The following LRMDA variants were observed in gnomAD, a reference collection of about 807,000 sequenced individuals.
LRMDA encodes the protein leucine-rich melanocyte differentiation-associated protein.
LRMDA carries 18 observed loss-of-function variants against 29.8 expected under a neutral mutation model. The ratio of observed to expected loss-of-function variants is 0.60; its 90% CI spans 0.42 to 0.90. LRMDA has a LOEUF of 0.90. LRMDA is among the 40% of genes least tolerant of loss of function. The probability of loss-of-function intolerance (pLI) is 0.00; values close to 1 mark genes in which losing one functional copy is unlikely to be tolerated. For missense variants in LRMDA, 273 were observed against 273.9 expected, an observed-to-expected ratio of 1.00 and a Z score of 0.02; for synonymous variants, 125 against 109.4, an observed-to-expected ratio of 1.14 and a Z score of -0.89.
At chr10:75,557,042 GGT>G (rs1419594096) in intron 2 of LRMDA, among the ~76,000 whole-genome samples, 1 of 152,068 alleles carries the variant, frequency 6.6e-6, no homozygotes, top group Non-Finnish European at 1.5e-5. Flanking sequence ...GGCCAGGCAT[GGT>G]GGCTCACACC....
intron 6 of LRMDA, among the ~76,000 whole-genome samples, chr10:76,408,061 A>G (rs1209956763): frequency 6.6e-6 from 1 of 152,210 alleles, no homozygotes; most frequent in Non-Finnish European, 1.5e-5. Flanking sequence ...ATCTCAACTA[A>G]CACTTACTGC....
At chr10:76,461,331 C>T (rs1842509810) in intron 6 of LRMDA, among the ~76,000 whole-genome samples, 1 of 152,170 alleles carries the variant, frequency 6.6e-6, no homozygotes, top group Non-Finnish European at 1.5e-5. Context: ...AGACAAGCCT[C>T]TGTTGAACTT....
chr10:75,758,996 G>A (rs2132226082), intron 2 of LRMDA, among the ~76,000 whole-genome samples: 1 of 151,682 alleles, frequency 6.6e-6, no homozygotes, highest in African/African-American at 2.4e-5. Context: ...ATTTAAATGG[G>A]TACATTTACA....
At chr10:75,435,146 C>T (rs552518329) in intron 1 of LRMDA, among the ~76,000 whole-genome samples, 1 of 152,208 alleles carries the variant, frequency 6.6e-6, no homozygotes, top group African/African-American at 2.4e-5. Flanking sequence ...CTTTGTTCCT[C>T]AATGCAGTCT....
chr10:75,875,690 C>T (rs1033097266), intron 2 of LRMDA, among the ~76,000 whole-genome samples: 1 of 152,216 alleles, frequency 6.6e-6, no homozygotes, highest in Non-Finnish European at 1.5e-5. Flanking sequence ...CCTCAGCCTT[C>T]CAAAGTGCTG....
At chr10:76,162,914 C>T (rs1451142245) in intron 5 of LRMDA, among the ~76,000 whole-genome samples, 1 of 152,116 alleles carries the variant, frequency 6.6e-6, no homozygotes, top group Non-Finnish European at 1.5e-5. Flanking sequence ...GGGAAAGATA[C>T]ATATTCTAAA....
chr10:75,567,219 A>G (rs1037179868), intron 2 of LRMDA, among the ~76,000 whole-genome samples: 5 of 152,008 alleles, frequency 3.3e-5, no homozygotes, highest in Non-Finnish European at 7.4e-5. Flanking sequence ...TTGCCTTCAG[A>G]GTTAAGTCTG....
At chr10:75,775,131 G>T (rs1449329018) in intron 2 of LRMDA, among the ~76,000 whole-genome samples, 1 of 152,240 alleles carries the variant, frequency 6.6e-6, no homozygotes, top group Non-Finnish European at 1.5e-5. Flanking sequence ...GGCCTATCAA[G>T]AAGGTTAGGC....
intron 2 of LRMDA, among the ~76,000 whole-genome samples, chr10:76,006,900 T>G (rs1847672596): frequency 6.6e-6 from 1 of 151,986 alleles, no homozygotes; most frequent in Non-Finnish European, 1.5e-5. Flanking sequence ...TTAAGGGCAT[T>G]CAGATGCCTG....
intron 2 of LRMDA, among the ~76,000 whole-genome samples, chr10:75,651,421 T>A (rs556832113): frequency 6.6e-6 from 1 of 152,310 alleles, no homozygotes; most frequent in South Asian, 2.1e-4. Flanking sequence ...ACTTAGGGAT[T>A]TCTGTGCATT....
At chr10:76,286,952 G>A (rs891432921) in intron 5 of LRMDA, among the ~76,000 whole-genome samples, 3 of 152,132 alleles carry the variant, frequency 2.0e-5, no homozygotes, top group Middle Eastern at 3.4e-3. Flanking sequence ...CAAATGTCTA[G>A]CACTCTCTTT....
intron 2 of LRMDA, among the ~76,000 whole-genome samples, chr10:75,938,447 G>A (rs1228949367): frequency 6.6e-6 from 1 of 152,146 alleles, no homozygotes; most frequent in Non-Finnish European, 1.5e-5. Context: ...ATGGGAGAAG[G>A]GATTTGTGCC....
chr10:75,673,587 T>C (rs1282505466), intron 2 of LRMDA, among the ~76,000 whole-genome samples: 2 of 152,184 alleles, frequency 1.3e-5, no homozygotes, highest in Non-Finnish European at 2.9e-5. Flanking sequence ...TATAAACCTA[T>C]GTATTCTCTG....
intron 6 of LRMDA, among the ~76,000 whole-genome samples, chr10:76,406,200 C>T (rs1417877283): frequency 7.9e-5 from 12 of 152,188 alleles, no homozygotes; most frequent in Admixed American, 7.9e-4. Context: ...CACAAGTCCA[C>T]ACATCCTGTA....
intron 5 of LRMDA, among the ~76,000 whole-genome samples, chr10:76,285,756 C>G (rs890561498): frequency 6.6e-6 from 1 of 152,124 alleles, no homozygotes; most frequent in African/African-American, 2.4e-5. Context: ...GTTTGAAAAT[C>G]CTGGGAAAGC....
At chr10:76,461,642 A>G (rs987526912) in intron 6 of LRMDA, among the ~76,000 whole-genome samples, 3 of 152,156 alleles carry the variant, frequency 2.0e-5, no homozygotes, top group African/African-American at 4.8e-5. Flanking sequence ...GGAGGGGGAG[A>G]TGGTGAACTG....
intron 2 of LRMDA, among the ~76,000 whole-genome samples, chr10:75,992,668 G>A (rs928578742): frequency 2.6e-5 from 4 of 152,146 alleles, no homozygotes; most frequent in African/African-American, 7.2e-5. Flanking sequence ...TGCCTCTCTT[G>A]TCCCTAAGTT....
At chr10:76,482,474 G>T (rs1842741685) in intron 6 of LRMDA, among the ~76,000 whole-genome samples, 1 of 151,840 alleles carries the variant, frequency 6.6e-6, no homozygotes, top group African/African-American at 2.4e-5. Flanking sequence ...GATACTTCGG[G>T]CCAAAATTAT....
In LRMDA at chr10:76,014,124, AAT is replaced by A. The variant is rs1491366343; in HGVS notation, c.132-21883_132-21882del. 2.9e-3 allele frequency among the ~76,000 whole-genome samples: 378 copies of A among 130,490 alleles called. 6 individuals carry two copies. Among genetic ancestry groups the A allele is most frequent in the African/African-American group, 0.01 (353 of 34,002 alleles). The allele number at this position is 130,490 out of a possible 152,430, so 85.6% of individuals were successfully genotyped here. Reference sequence around the variant, plus strand: ...AAAAAAAGTATATATATATATATATAATTATATATATATATATATAATTATAT... The same window carrying A: ...AAAAAAAGTATATATATATATATATATATATATATATATATATAATTATAT... On this transcript the variant is annotated intron_variant, in intron 2 of 6. Coordinates refer to ENST00000611255, the MANE Select transcript of LRMDA (RefSeq NM_001305581.2).
Sources: gnomAD v4.1 joint callset for allele counts (sites outside exome capture counted in the v4.1 genomes callset) on GRCh38, gnomAD v4.1.1 for gene constraint, MANE v1.5 for transcripts, NCBI Gene and HGNC (gene_info 2026-07-23, HGNC 2026-07-21) for gene names.